MVK: variants seen among roughly 807,000 people sequenced by gnomAD.
The protein encoded by MVK is mevalonate kinase.
A neutral mutation model predicts 43.2 loss-of-function variants in MVK; 34 were observed. That is an observed-to-expected ratio of 0.79 (90% CI 0.60 to 1.05). MVK has a LOEUF of 1.05. MVK is among the 50% of genes least tolerant of loss of function. The pLI, the probability that MVK is intolerant of heterozygous loss-of-function variation, is 0.00. For synonymous variants in MVK, 190 were observed against 219.8 expected (o/e 0.86, Z 1.20); for missense variants, 395 against 504.0 (o/e 0.78, Z 2.07).
intron 6 of MVK, 139 bp downstream of exon 6, chr12:109,586,264 G>A: frequency 1.3e-6 from 1 of 768,936 alleles, no homozygotes; most frequent in Non-Finnish European, 2.2e-6. Context: ...CCTATTTTGG[G>A]GGGAATGGGG....
At chr12:109,591,527 G>A (rs1334093272) in intron 9 of MVK, among the ~76,000 whole-genome samples, 170 bp downstream of exon 9, 2 of 152,232 alleles carry the variant, frequency 1.3e-5, no homozygotes. Context: ...TGCCATATAA[G>A]CGTATCTTAT....
chr12:109,581,310 T>A, intron 4 of MVK, 85 bp from the exon 5 acceptor site: 1 of 1,565,642 alleles, frequency 6.4e-7, no homozygotes, highest in Admixed American at 1.7e-5. Flanking sequence ...ATGCTTGGAG[T>A]CAGGCCTGGG....
chr12:109,597,199 G>A lies in MVK; in HGVS notation c.*622G>A, dbSNP rs139686959. 7.3e-4 allele frequency: 123 copies of A among 169,294 alleles called. No individual in the cohort carries two copies. The highest frequency in any genetic ancestry group is 2.7e-3 in the African/African-American group (113 of 41,822). 10.5% of individuals were successfully genotyped at this position (169,294 alleles called of 1,614,324 possible). A position where few individuals can be genotyped will look rare whatever the true frequency, so the allele number is the denominator to read the frequency against. On this transcript the variant is annotated 3_prime_UTR_variant, in exon 11 of 11. Transcript: ENST00000228510. ...GCAGGGTTTATATGCACTTTCTTCC[G>A]ATCTGTACCTGAGAGGTTTGTGGAA...
intron 8 of MVK, 126 bp from the exon 9 acceptor site, chr12:109,591,115 G>A: frequency 9.8e-7 from 1 of 1,018,520 alleles, no homozygotes. Flanking sequence ...CAGAAGAGAG[G>A]TGGTTTCCCC....
Position 109,596,411 on chromosome 12 carries a change from C to T in MVK, c.1040-15C>T, listed in dbSNP as rs1279666763. The T allele has an allele frequency of 6.2e-6, 10 of 1,612,092 alleles. No homozygotes were observed. The highest frequency in any genetic ancestry group is 2.7e-5 in the African/African-American group (2 of 74,932). The stretch of plus-strand genomic sequence containing the variant: ...CGGAGAGTTGTCAAGGGTGACCTGC[C>T]TTCCCTCCCCGCAGGGCTGGAGCAG... On this transcript the variant is annotated splice_polypyrimidine_tract_variant and intron_variant, in intron 10 of 10. Coordinates refer to ENST00000228510, the MANE Select transcript of MVK (RefSeq NM_000431.4).
chr12:109,578,838 G>A (rs917895332), intron 3 of MVK, among the ~76,000 whole-genome samples: 6 of 152,212 alleles, frequency 3.9e-5, no homozygotes, highest in African/African-American at 1.4e-4. Context: ...ATTTGTAAAG[G>A]TGAGCTGGCC....
intron 5 of MVK, among the ~76,000 whole-genome samples, chr12:109,584,342 CT>C (rs1885349976): frequency 6.6e-6 from 1 of 152,202 alleles, no homozygotes; most frequent in Non-Finnish European, 1.5e-5. Context: ...AGGTAATTGA[CT>C]TGCTCAGGGC....
In MVK at chr12:109,594,708, T is replaced by C. The variant is rs146973016; in HGVS notation, c.886-320T>C. 6.6e-5 allele frequency among the ~76,000 whole-genome samples: 10 copies of C among 152,324 alleles called. No individual in the cohort carries two copies. In the East Asian group the frequency reaches 1.9e-3, roughly 29 times the overall value. ...TAGTGGGAAGGGGCAGAGGAAACCC[T>C]GGGAGGGCTGTGATTGGCCCAGCTT... On this transcript the variant is annotated intron_variant, in intron 9 of 10. Coordinates refer to ENST00000228510, the MANE Select transcript of MVK (RefSeq NM_000431.4).
At chr12:109,580,564 G>A (rs1013702427) in intron 4 of MVK, among the ~76,000 whole-genome samples, 6 of 152,302 alleles carry the variant, frequency 3.9e-5, no homozygotes, top group African/African-American at 1.4e-4. Flanking sequence ...CTTGCCGTCC[G>A]AAGCAGAATT....
Position 109,590,881 on chromosome 12 carries a change from T to G in MVK, c.768+20T>G. ...CTCAAGGTGACTCTTGTTCCCTTCT[T>G]GGGCAGGTTTCAGGAAGGCCAGGAC... On this transcript the variant is annotated intron_variant, in intron 8 of 10. Coordinates refer to ENST00000228510, the MANE Select transcript of MVK (RefSeq NM_000431.4). 1 of 1,612,378 alleles carries G rather than the reference T, an allele frequency of 6.2e-7. No individual in the cohort carries two copies. Among genetic ancestry groups the G allele is most frequent in the Non-Finnish European group, 8.5e-7 (1 of 1,178,418 alleles).
At chr12:109,587,370 G>A (rs561887998) in intron 7 of MVK, among the ~76,000 whole-genome samples, 1 of 152,288 alleles carries the variant, frequency 6.6e-6, no homozygotes, top group South Asian at 2.1e-4. Context: ...TGTCCCTCCC[G>A]CTGGAATCAT....
chr12:109,579,651 A>G, intron 3 of MVK, 151 bp from the exon 4 acceptor site: 1 of 1,096,400 alleles, frequency 9.1e-7, no homozygotes, highest in South Asian at 1.3e-5. Flanking sequence ...CCTAAAGCCA[A>G]TGAACAGACT....
intron 9 of MVK, among the ~76,000 whole-genome samples, chr12:109,592,960 G>A (rs1192213180): frequency 1.3e-5 from 2 of 152,226 alleles, no homozygotes; most frequent in Non-Finnish European, 2.9e-5. Context: ...CCTGGAGAAT[G>A]CCACAGAACA....
intron 6 of MVK, 26 bp from the exon 7 acceptor site, chr12:109,586,728 T>C: frequency 6.2e-7 from 1 of 1,613,866 alleles, no homozygotes; most frequent in Non-Finnish European, 8.5e-7. Context: ...TTCCCACAGC[T>C]CTGACCCACT....
intron 7 of MVK, chr12:109,587,980 G>C (rs894916098): frequency 2.4e-4 from 37 of 152,204 alleles, no homozygotes; most frequent in African/African-American, 8.9e-4. Flanking sequence ...TGTCCCTTGG[G>C]AGGCAGAATC....
chr12:109,586,673 C>T, intron 6 of MVK, 81 bp from the exon 7 acceptor site: 1 of 1,527,772 alleles, frequency 6.5e-7, no homozygotes, highest in Non-Finnish European at 9.1e-7. Flanking sequence ...ATGAACCCAA[C>T]CCAAAGTTCA....
At chr12:109,575,369 G>A (rs1219836418) in intron 2 of MVK, among the ~76,000 whole-genome samples, 8 of 151,854 alleles carry the variant, frequency 5.3e-5, no homozygotes, top group African/African-American at 1.9e-4. Flanking sequence ...ATATACCTTG[G>A]TAGAGCTTGG....
At chr12:109,579,586 G>A (rs1416828519) in intron 3 of MVK, among the ~76,000 whole-genome samples, 1 of 152,220 alleles carries the variant, frequency 6.6e-6, no homozygotes, top group East Asian at 1.9e-4. Flanking sequence ...CAGGTTCAGG[G>A]AGGTTAAGTC....
At chr12:109,587,538 C>A (rs1185963639) in intron 7 of MVK, among the ~76,000 whole-genome samples, 3 of 152,188 alleles carry the variant, frequency 2.0e-5, no homozygotes, top group Admixed American at 2.0e-4. Context: ...GTTCCCTAAG[C>A]CCTTGATCAA....
Sources: allele counts gnomAD v4.1 joint callset (sites outside exome capture counted in the v4.1 genomes callset), GRCh38; gene constraint gnomAD v4.1.1; transcripts MANE v1.5; gene names NCBI Gene and HGNC (gene_info 2026-07-23, HGNC 2026-07-21).